CCDC138: variants seen among roughly 807,000 people sequenced by gnomAD.
The protein encoded by CCDC138 is coiled-coil domain containing 138.
Under a neutral mutation model 82.3 loss-of-function variants are expected in CCDC138, and 66 were observed. The observed-to-expected ratio is 0.80, with a 90% CI of 0.66 to 0.98. The LOEUF is 0.98. Ranked by LOEUF, CCDC138 falls within the 50% of genes least tolerant of loss-of-function variation. The pLI, the probability that CCDC138 is intolerant of heterozygous loss-of-function variation, is 0.00. For synonymous variants in CCDC138, 297 were observed against 265.4 expected (o/e 1.12, Z -1.16); for missense variants, 816 against 758.9 (o/e 1.08, Z -0.88).
intron 11 of CCDC138, among the ~76,000 whole-genome samples, chr2:108,845,389 G>T (rs1022025040): frequency 6.6e-6 from 1 of 151,982 alleles, no homozygotes; most frequent in Non-Finnish European, 1.5e-5. Context: ...CACATTGCAG[G>T]ATCAATACTG....
At chr2:108,862,322 G>A (rs566378582) in intron 13 of CCDC138, among the ~76,000 whole-genome samples, 2 of 152,146 alleles carry the variant, frequency 1.3e-5, no homozygotes, top group African/African-American at 4.8e-5. Context: ...ATGTTTCAAA[G>A]CATTGTGTTT....
downstream of CCDC138, among the ~76,000 whole-genome samples, chr2:108,878,649 T>G (rs17036975): frequency 0.021 from 3,209 of 152,326 alleles, 114 homozygotes; most frequent in South Asian, 0.086. Context: ...GTGAGACCTT[T>G]TATTTGAAAA....
At chr2:108,847,598 T>C (rs1690707328) in intron 12 of CCDC138, among the ~76,000 whole-genome samples, 1 of 152,258 alleles carries the variant, frequency 6.6e-6, no homozygotes, top group Non-Finnish European at 1.5e-5. Flanking sequence ...ATGTGTTTAA[T>C]ATTTAGCTAT....
intron 10 of CCDC138, among the ~76,000 whole-genome samples, chr2:108,829,147 TTCA>T: frequency 6.6e-6 from 1 of 152,188 alleles, no homozygotes; most frequent in South Asian, 2.1e-4. Context: ...TAAACTGAAC[TTCA>T]TCAAAATTAA....
rs1038648044 is a variant in CCDC138, at chr2:108,787,600, A to AT, written c.94-426dup. On this transcript the variant is annotated intron_variant, in intron 1 of 14. Transcript: ENST00000295124. Reference sequence around the variant, plus strand: ...TCTCGATAAAACCTTTTATAGGAAAATTTTTTCCTAGTGCAGATCCGACCC... The same window carrying AT: ...TCTCGATAAAACCTTTTATAGGAAAATTTTTTTCCTAGTGCAGATCCGACCC... 3.1e-4 allele frequency among the ~76,000 whole-genome samples: 47 copies of AT among 151,912 alleles called. 1 individual carries two copies. Among genetic ancestry groups the AT allele is most frequent in the Non-Finnish European group, 5.9e-4 (40 of 68,010 alleles).
intron 13 of CCDC138, among the ~76,000 whole-genome samples, chr2:108,872,007 G>C (rs1202375888): frequency 6.6e-6 from 1 of 151,968 alleles, no homozygotes; most frequent in Non-Finnish European, 1.5e-5. Context: ...TCTCTCACAC[G>C]TACTTTGCCC....
downstream of CCDC138, among the ~76,000 whole-genome samples, chr2:108,880,478 A>G (rs1558783453): frequency 6.6e-6 from 1 of 152,198 alleles, no homozygotes; most frequent in Non-Finnish European, 1.5e-5. Flanking sequence ...CTAGGTTTTC[A>G]TAGCTAGAGA....
Position 108,804,898 on chromosome 2 carries a change from G to T in CCDC138, c.745G>T (p.Ala249Ser). The T allele has an allele frequency of 6.4e-7, 1 of 1,553,520 alleles. No individual in the cohort carries two copies. The highest frequency in any genetic ancestry group is 8.6e-7 in the Non-Finnish European group (1 of 1,157,250). The change falls in exon 7 of 15, where the codon GCA becomes TCA. Residue 249 changes from alanine (A) to serine (S), a missense_variant. Ala to Ser is a moderately conservative substitution (Grantham distance 99, BLOSUM62 1). Transcript: ENST00000295124. ...RFQIIKEQHD[A>S]EVEHLTEVLK... ...TTTTTTCTCCTCCTAGCAGCATGATGCAGAAGTTGAACACTTAACCGAAGT... is the reference window on the plus strand; with the variant it reads ...TTTTTTCTCCTCCTAGCAGCATGATTCAGAAGTTGAACACTTAACCGAAGT...
chr2:108,880,057 A>G (rs1048739632), downstream of CCDC138, among the ~76,000 whole-genome samples: 5 of 152,202 alleles, frequency 3.3e-5, no homozygotes, highest in Admixed American at 6.5e-5. Context: ...AGACATGATA[A>G]GAAACAAATC....
chr2:108,868,342 T>G (rs1694738110), intron 13 of CCDC138, among the ~76,000 whole-genome samples: 1 of 152,228 alleles, frequency 6.6e-6, no homozygotes, highest in African/African-American at 2.4e-5. Context: ...TGTCTTCAGG[T>G]AATCTTTCTC....
chr2:108,867,900 G>A (rs1694667512), intron 13 of CCDC138, among the ~76,000 whole-genome samples: 1 of 152,146 alleles, frequency 6.6e-6, no homozygotes, highest in Non-Finnish European at 1.5e-5. Context: ...GTTACTATCT[G>A]GGAGCTGAGG....
At chr2:108,867,573 A>G (rs948889808) in intron 13 of CCDC138, among the ~76,000 whole-genome samples, 1 of 152,174 alleles carries the variant, frequency 6.6e-6, no homozygotes, top group African/African-American at 2.4e-5. Context: ...CTTTCAAGAA[A>G]TAGCTCATCT....
In CCDC138 at chr2:108,794,618, C is replaced by A. The variant is rs768927417; in HGVS notation, c.473C>A (p.Pro158His). 2 of 1,614,078 alleles carry A rather than the reference C, an allele frequency of 1.2e-6. No individual in the cohort carries two copies. Among genetic ancestry groups the A allele is most frequent in the Admixed American group, 3.3e-5 (2 of 60,022 alleles). Reference sequence around the variant, plus strand: ...GATGCAGGTGACTCTCCTTTGAAACCTGTCAGCTGTCCAAAATCTAAAGCA... The same window carrying A: ...GATGCAGGTGACTCTCCTTTGAAACATGTCAGCTGTCCAAAATCTAAAGCA... ...CSDAGDSPLK[P>H]VSCPKSKASD... is the part of the protein sequence containing the mutation. The change falls in exon 5 of 15, where the codon CCT becomes CAT. Residue 158 changes from proline (P) to histidine (H), a missense_variant. Transcript: ENST00000295124.
intron 7 of CCDC138, among the ~76,000 whole-genome samples, chr2:108,812,070 A>G (rs1416717201): frequency 6.6e-6 from 1 of 152,196 alleles, no homozygotes; most frequent in Non-Finnish European, 1.5e-5. Context: ...ATAAATCTAA[A>G]GAGAGATGTG....
At chr2:108,862,822 A>G (rs971049048) in intron 13 of CCDC138, among the ~76,000 whole-genome samples, 2 of 152,120 alleles carry the variant, frequency 1.3e-5, no homozygotes, top group Non-Finnish European at 2.9e-5. Flanking sequence ...GTTAGATACT[A>G]GTGCATATAC....
Position 108,798,556 on chromosome 2 carries a change from G to A in CCDC138, c.705G>A (p.Glu235=). The A allele has an allele frequency of 6.2e-7, 1 of 1,611,854 alleles. No individual in the cohort carries two copies. The highest frequency in any genetic ancestry group is 8.5e-7 in the Non-Finnish European group (1 of 1,179,056). The part of the protein sequence containing the change: ...ALSKIKGVEE[E]VLTRFQIIKE... The stretch of plus-strand genomic sequence containing the variant: ...GTAAAATTAAAGGTGTTGAAGAAGA[G>A]GTTCTTACAAGATTTCAAATTATAA... The change falls in exon 6 of 15, where the codon GAG becomes GAA. Residue 235 remains glutamate, a synonymous_variant. Transcript: ENST00000295124.
intron 1 of CCDC138, among the ~76,000 whole-genome samples, 177 bp downstream of exon 1, chr2:108,787,092 C>T (rs1365400765): frequency 6.6e-6 from 1 of 151,912 alleles, no homozygotes; most frequent in Non-Finnish European, 1.5e-5. Context: ...CGTTGCGCTG[C>T]GGGGGTGCGG....
intron 7 of CCDC138, among the ~76,000 whole-genome samples, chr2:108,805,660 G>A (rs1302159584): frequency 6.6e-6 from 1 of 152,026 alleles, no homozygotes; most frequent in Non-Finnish European, 1.5e-5. Context: ...CCAGGAGGCG[G>A]AGCTTGCAGT....
At chr2:108,883,121 C>T (rs1335306339) in intron 2 of CCDC138, 1 of 152,170 alleles carries the variant, frequency 6.6e-6, no homozygotes, top group African/African-American at 2.4e-5. Context: ...GAGCCCAAAG[C>T]CTTTAGATAT....
Sources: allele counts gnomAD v4.1 joint callset (sites outside exome capture counted in the v4.1 genomes callset), GRCh38; gene constraint gnomAD v4.1.1; transcripts MANE v1.5; gene names NCBI Gene and HGNC (gene_info 2026-07-23, HGNC 2026-07-21).